Variants in PAK4 observed in about 807,000 individuals in gnomAD.
PAK4 encodes serine/threonine-protein kinase PAK 4.
A neutral mutation model predicts 53.5 loss-of-function variants in PAK4; 49 were observed. That is an observed-to-expected ratio of 0.92 (90% CI 0.73 to 1.16). The LOEUF (loss-of-function observed/expected upper bound fraction) is 1.16. PAK4 is among the 50% of genes most tolerant of loss of function. The pLI, the probability that PAK4 is intolerant of heterozygous loss-of-function variation, is 0.00. For missense variants in PAK4, 824 were observed against 850.7 expected, an observed-to-expected ratio of 0.97 and a Z score of 0.39; for synonymous variants, 376 against 375.6, an observed-to-expected ratio of 1.00 and a Z score of -0.01.
chr19:39,170,359 GTTTT>G (rs886715885), intron 2 of PAK4, among the ~76,000 whole-genome samples: 2 of 148,786 alleles, frequency 1.3e-5, no homozygotes, highest in South Asian at 2.1e-4. Context: ...TTGGTTTTGG[GTTTT>G]TTTTTTTCTT....
Position 39,175,250 on chromosome 19 carries a change from G to T in PAK4, c.1233-62G>T. ...TCCTCCCACTGCAAGGCAGGGCTGC[G>T]TCCCCCTCGGCACCCCGGGGTGCTG... On this transcript the variant is annotated intron_variant, in intron 5 of 8. Coordinates refer to ENST00000358301, the Ensembl canonical transcript of PAK4. This position sits in a 1 kb window ranked among gnomAD's most constrained non-coding sequence, Gnocchi z 4.7. 6.6e-7 allele frequency: 1 copy of T among 1,520,998 alleles called. No homozygotes were observed. The allele number at this position is 1,520,998 out of a possible 1,614,324, so 94.2% of individuals were successfully genotyped here.
At chr19:39,170,254 C>T (rs796370216) in intron 2 of PAK4, among the ~76,000 whole-genome samples, 19 of 152,188 alleles carry the variant, frequency 1.2e-4, no homozygotes, top group African/African-American at 4.6e-4. Flanking sequence ...CGAGGCAGAG[C>T]CCAGGGCTGA....
chr19:39,164,434 G>C (rs1411725680), intron 1 of PAK4, among the ~76,000 whole-genome samples: 2 of 152,180 alleles, frequency 1.3e-5, no homozygotes, highest in Non-Finnish European at 2.9e-5. Context: ...AGTCAGGGAA[G>C]GTGGGAGATC....
chr19:39,155,740 C>T (rs556856472), intron 1 of PAK4, among the ~76,000 whole-genome samples: 1 of 152,274 alleles, frequency 6.6e-6, no homozygotes, highest in African/African-American at 2.4e-5. Context: ...GACAGACATC[C>T]AGCCTGGGAG....
In PAK4 at chr19:39,175,764, AG is replaced by A. The variant is rs939223031; in HGVS notation, c.1359+329del. 1.3e-5 allele frequency among the ~76,000 whole-genome samples: 2 copies of A among 152,216 alleles called. No homozygotes were observed. The highest frequency in any genetic ancestry group is 4.8e-5 in the African/African-American group (2 of 41,458). On this transcript the variant is annotated intron_variant, in intron 6 of 8. Coordinates refer to ENST00000358301, the Ensembl canonical transcript of PAK4. The surrounding 1 kb of genome is among the most constrained non-coding windows in gnomAD (Gnocchi z 4.7). ...AAAAGCTGCTCCCTGCCCAGCACCC[AG>A]GGCGGTCCATGGACCCCAGTCCTGT...
At chr19:39,171,418 A>C (rs1001966273) in intron 2 of PAK4, among the ~76,000 whole-genome samples, 2 of 152,204 alleles carry the variant, frequency 1.3e-5, no homozygotes, top group African/African-American at 4.8e-5. Flanking sequence ...CATTTTGGCC[A>C]GGCTGGTCTC....
intron 1 of PAK4, among the ~76,000 whole-genome samples, chr19:39,139,380 A>G (rs2145139199): frequency 1.3e-5 from 2 of 152,182 alleles, no homozygotes; most frequent in Middle Eastern, 3.4e-3. Flanking sequence ...CAGCGGGATA[A>G]AGGGTTCGGG....
chr19:39,178,520 G>T lies in PAK4; in HGVS notation c.1717G>T (p.Ala573Ser), dbSNP rs149210444. 1,866 of 1,611,838 alleles carry T rather than the reference G, an allele frequency of 1.2e-3. 22 individuals carry two copies. In the African/African-American group the frequency reaches 0.021, roughly 18 times the overall value. ...CGAGCTGCTGAAGCACCCATTCCTGGCCAAGGCAGGGCCGCCTGCCAGCAT... is the reference window on the plus strand; with the variant it reads ...CGAGCTGCTGAAGCACCCATTCCTGTCCAAGGCAGGGCCGCCTGCCAGCAT... Residue 573 changes from alanine to serine, a missense_variant, in exon 9 of 9, where the codon GCC (alanine) becomes TCC (serine). By Grantham distance (99) the Ala-to-Ser change is moderately conservative. This residue lies in a region of PAK4 where 346 missense variants were observed against 415.0 expected (regional missense o/e 0.83). Coordinates refer to ENST00000358301, the Ensembl canonical transcript of PAK4. The surrounding 1 kb of genome is among the most constrained non-coding windows in gnomAD (Gnocchi z 4.4).
chr19:39,139,079 G>A (rs2073867967), intron 1 of PAK4, among the ~76,000 whole-genome samples: 1 of 152,148 alleles, frequency 6.6e-6, no homozygotes, highest in South Asian at 2.1e-4. Context: ...GGAGGGGCTG[G>A]CCCTGTCCCT....
intron 1 of PAK4, among the ~76,000 whole-genome samples, chr19:39,163,428 C>T (rs1025456397): frequency 1.3e-5 from 2 of 152,098 alleles, no homozygotes; most frequent in African/African-American, 4.8e-5. Flanking sequence ...TTTGCACGCT[C>T]ACGTCTGCTG....
intron 1 of PAK4, among the ~76,000 whole-genome samples, chr19:39,165,192 G>GATAATAATAATAATAATAATAATA (rs74176492): frequency 0.016 from 2,040 of 130,362 alleles, 33 homozygotes; most frequent in Non-Finnish European, 0.023. Flanking sequence ...TGATGATGAT[G>GATAATAATAATAATAATAATAATA]ATGATAATAA....
chr19:39,151,111 C>T (rs1030483151), intron 1 of PAK4, among the ~76,000 whole-genome samples: 61 of 152,090 alleles, frequency 4.0e-4, no homozygotes, highest in African/African-American at 1.3e-3. Flanking sequence ...GGTGAGGAGA[C>T]GGCTTTAGCT....
At chr19:39,144,459 G>C (rs567303373) in intron 1 of PAK4, among the ~76,000 whole-genome samples, 5 of 152,336 alleles carry the variant, frequency 3.3e-5, no homozygotes, top group African/African-American at 1.2e-4. Flanking sequence ...CCTGCCGGGG[G>C]GATGCTTGAC....
At chr19:39,127,414 G>A (rs1029495517) in intron 1 of PAK4, among the ~76,000 whole-genome samples, 3 of 151,964 alleles carry the variant, frequency 2.0e-5, no homozygotes, top group Admixed American at 2.0e-4. Flanking sequence ...CAGCTGGCCC[G>A]GGACCACCCT....
intron 1 of PAK4, among the ~76,000 whole-genome samples, chr19:39,129,813 G>A (rs1308407394): frequency 6.6e-6 from 1 of 152,192 alleles, no homozygotes; most frequent in Non-Finnish European, 1.5e-5. Context: ...CTTGGGGGCA[G>A]GTGCCAGGGG....
chr19:39,174,032 C>A, intron 4 of PAK4, 22 bp downstream of exon 5: 1 of 1,496,248 alleles, frequency 6.7e-7, no homozygotes, highest in Non-Finnish European at 9.0e-7. Context: ...GCTGCCCTGC[C>A]GCCCTGCTGG....
chr19:39,158,170 TG>T (rs1568513717), intron 1 of PAK4, among the ~76,000 whole-genome samples: 1 of 151,128 alleles, frequency 6.6e-6, no homozygotes, highest in Admixed American at 6.6e-5. Flanking sequence ...TGTGCATGTT[TG>T]TGAGTGTGCA....
chr19:39,137,138 CAT>C (rs1443822657), intron 1 of PAK4, among the ~76,000 whole-genome samples: 1 of 151,294 alleles, frequency 6.6e-6, no homozygotes, highest in Non-Finnish European at 1.5e-5. Context: ...GTGCCTGATA[CAT>C]AAATATAAAT....
chr19:39,158,207 ATG>A (rs2074223743), intron 1 of PAK4, among the ~76,000 whole-genome samples: 2 of 149,500 alleles, frequency 1.3e-5, no homozygotes, highest in South Asian at 4.3e-4. Context: ...ATGTATGTGC[ATG>A]TGTGGGTGTG....
Sources: gnomAD v4.1 joint callset for allele counts (sites outside exome capture counted in the v4.1 genomes callset) on GRCh38, gnomAD v4.1.1 for gene constraint, gnomAD v4.1.1 regional missense constraint, Gnocchi (gnomAD v3.1) non-coding constraint, MANE v1.5 for transcripts, NCBI Gene and HGNC (gene_info 2026-07-23, HGNC 2026-07-21) for gene names.